Variants in COL5A1 observed in about 807,000 individuals in gnomAD.
COL5A1 encodes the protein collagen alpha-1(V) chain.
Under a neutral mutation model 263.7 loss-of-function variants are expected in COL5A1, and 16 were observed. The ratio of observed to expected loss-of-function variants is 0.06; its 90% confidence interval spans 0.04 to 0.09. COL5A1 has a LOEUF of 0.09. COL5A1 is among the 10% of genes least tolerant of loss of function. The probability of loss-of-function intolerance (pLI) is 1.00; values close to 1 mark genes in which losing one functional copy is unlikely to be tolerated. For missense variants in COL5A1, 2,036 were observed against 2,540.5 expected, an observed-to-expected ratio of 0.80 and a Z score of 4.27; for synonymous variants, 1,012 against 1,004.5, an observed-to-expected ratio of 1.01 and a Z score of -0.14.
intron 44 of COL5A1, 47 bp downstream of exon 44, chr9:134,810,355 G>C (rs770892219): frequency 6.3e-7 from 1 of 1,582,904 alleles, no homozygotes; most frequent in South Asian, 1.1e-5. Context: ...GTCCCGGGGG[G>C]CCTCGTCGCA....
In COL5A1 at chr9:134,771,061, C is replaced by T. The variant is rs531008585; in HGVS notation, c.2287-1729C>T. On this transcript the variant is annotated intron_variant, in intron 25 of 65. Coordinates refer to ENST00000371817, the MANE Select transcript of COL5A1 (RefSeq NM_000093.5). ...GGTGGGCGCAGTTCTGAGCCCCTTG[C>T]AAACGCTCTGTGCGTCTCCGCAGCG... Among the ~76,000 whole-genome samples the T allele has an allele frequency of 7.9e-5, 12 of 152,376 alleles. No homozygotes were observed. In the South Asian group the frequency reaches 2.5e-3, roughly 32 times the overall value.
intron 32 of COL5A1, 34 bp from the exon 33 acceptor site, chr9:134,795,048 G>T: frequency 1.2e-6 from 2 of 1,611,658 alleles, no homozygotes; most frequent in Non-Finnish European, 1.7e-6. Context: ...CGGGCATTTA[G>T]AGAGTGACTG....
At chr9:134,676,546 A>C (rs924498781) in intron 1 of COL5A1, among the ~76,000 whole-genome samples, 2 of 152,226 alleles carry the variant, frequency 1.3e-5, no homozygotes, top group African/African-American at 4.8e-5. Context: ...AAAGGGGGGC[A>C]TGGCAGGTCA....
At chr9:134,684,047 A>T (rs1014540034) in intron 1 of COL5A1, among the ~76,000 whole-genome samples, 2 of 152,214 alleles carry the variant, frequency 1.3e-5, no homozygotes, top group Non-Finnish European at 2.9e-5. Flanking sequence ...TCCCGAAAGC[A>T]GCGGACTTCT....
rs533217850 is a variant in COL5A1, at chr9:134,795,096, G to T, written c.2715G>T (p.Lys905Asn). The T allele has an allele frequency of 6.2e-7, 1 of 1,614,086 alleles. No individual in the cohort carries two copies. Among genetic ancestry groups the T allele is most frequent in the South Asian group, 1.1e-5 (1 of 91,080 alleles). The change falls in exon 33 of 66, where the codon AAG becomes AAT. Residue 905 changes from lysine to asparagine, a missense_variant. Around this residue, in one of 3 missense-constraint regions of COL5A1, gnomAD observed 1,078 missense variants for 1,521.4 expected, o/e 0.71. Transcript: ENST00000371817. The part of the protein sequence containing the change: ...GEKGGRGTPG[K>N]PGPRGQRGPT... ...TCTGATTCTAGGGGACCCCTGGAAA[G>T]CCAGGACCGCGGGGGCAGCGAGGCC... is the stretch of plus-strand genomic sequence containing the variant.
At chr9:134,665,623 C>T (rs7848499) in intron 1 of COL5A1, among the ~76,000 whole-genome samples, 4,727 of 152,158 alleles carry the variant, frequency 0.031, 150 homozygotes, top group African/African-American at 0.078. Context: ...GGGTTGAATG[C>T]GTTGTTGTTC....
chr9:134,731,468 A>G, intron 7 of COL5A1, 28 bp from the exon 8 acceptor site: 1 of 1,613,290 alleles, frequency 6.2e-7, no homozygotes, highest in Non-Finnish European at 8.5e-7. Context: ...TTTGCGAGGC[A>G]ACCCTGCGCC....
At chr9:134,782,528 C>A (rs748503729) in intron 28 of COL5A1, 139 bp from the exon 29 acceptor site, 2 of 822,310 alleles carry the variant, frequency 2.4e-6, no homozygotes, top group Admixed American at 3.4e-5. Flanking sequence ...GGGCCCCAAG[C>A]CCACCCCGTC....
rs1189111524 is a variant in COL5A1 at position 134,699,920 on chromosome 9, C to T, written c.289C>T (p.Pro97Ser). 8.1e-6 allele frequency: 13 copies of T among 1,613,878 alleles called. No individual in the cohort carries two copies. Among genetic ancestry groups the T allele is most frequent in the Non-Finnish European group, 1.1e-5 (13 of 1,180,036 alleles). ...TKQLYPASAFPEDFSILTTVK... is the reference protein window; with the variant it reads ...TKQLYPASAFSEDFSILTTVK... ...GTGCTCTGTTCCAGCGTCTGCATTT[C>T]CCGAGGACTTCTCCATCCTAACAAC... Residue 97 changes from proline to serine, a missense_variant, in exon 3 of 66, where the codon CCC becomes TCC. By Grantham distance (74) the Pro-to-Ser change is moderately conservative (BLOSUM62 -1). This residue lies in a region of COL5A1 where 600 missense variants were observed against 634.5 expected (regional missense o/e 0.95). Transcript: ENST00000371817.
At chr9:134,720,386 G>A (rs985693626) in intron 4 of COL5A1, among the ~76,000 whole-genome samples, 11 of 152,240 alleles carry the variant, frequency 7.2e-5, no homozygotes, top group African/African-American at 2.7e-4. Flanking sequence ...TCCACCAGGA[G>A]AGGAGGCTTC....
At chr9:134,823,661 T>C (rs768085311) in intron 61 of COL5A1, among the ~76,000 whole-genome samples, 192 bp downstream of exon 61, 4 of 152,222 alleles carry the variant, frequency 2.6e-5, no homozygotes, top group South Asian at 2.1e-4. Flanking sequence ...TACAGGCCAA[T>C]TGGCCCTGAG....
intron 26 of COL5A1, among the ~76,000 whole-genome samples, chr9:134,773,333 G>A (rs921937823): frequency 1.1e-4 from 16 of 151,830 alleles, no homozygotes; most frequent in Non-Finnish European, 1.9e-4. Flanking sequence ...CATGCAGCAC[G>A]TCCACCAGCG....
intron 1 of COL5A1, among the ~76,000 whole-genome samples, chr9:134,651,237 T>G (rs1831676666): frequency 6.6e-6 from 1 of 152,202 alleles, no homozygotes; most frequent in Non-Finnish European, 1.5e-5. Context: ...ATTTTTTAAA[T>G]AAATGCCATA....
intron 54 of COL5A1, 121 bp downstream of exon 54, chr9:134,817,952 G>A: frequency 9.8e-7 from 1 of 1,016,932 alleles, no homozygotes; most frequent in Admixed American, 2.0e-5. Context: ...GCTGCCCCAG[G>A]GGCACCTGGC....
intron 4 of COL5A1, among the ~76,000 whole-genome samples, chr9:134,715,531 AC>A (rs1834229699): frequency 6.6e-6 from 1 of 152,122 alleles, no homozygotes; most frequent in African/African-American, 2.4e-5. Flanking sequence ...CATATTTCAG[AC>A]TATCACACGG....
chr9:134,774,035 C>T (rs1050394832), intron 26 of COL5A1, among the ~76,000 whole-genome samples: 3 of 152,230 alleles, frequency 2.0e-5, no homozygotes, highest in Admixed American at 6.5e-5. Context: ...GCACAGTGCC[C>T]GGAACTGGTG....
chr9:134,766,903 T>A, intron 22 of COL5A1, 97 bp from the exon 23 acceptor site: 2 of 1,204,198 alleles, frequency 1.7e-6, no homozygotes, highest in Non-Finnish European at 2.4e-6. Flanking sequence ...GGGAGCAGTT[T>A]GAAAGGATGG....
intron 2 of COL5A1, among the ~76,000 whole-genome samples, chr9:134,695,870 TG>T (rs1226812003): frequency 1.3e-5 from 2 of 152,188 alleles, no homozygotes; most frequent in Non-Finnish European, 2.9e-5. Flanking sequence ...GCTTCCTCTC[TG>T]GAGCCCCTCA....
chr9:134,755,407 G>T lies in COL5A1; in HGVS notation c.1827+1081G>T, dbSNP rs556637393. Among the ~76,000 whole-genome samples the T allele has an allele frequency of 8.4e-4, 128 of 152,338 alleles. 2 individuals carry two copies. In the South Asian group the frequency reaches 0.025, roughly 30 times the overall value. ...GTCTAACATGGCCAGCTGCAGAGTTGCATGGTGTCGGGGCCATGCATATGC... is the reference window on the plus strand; with the variant it reads ...GTCTAACATGGCCAGCTGCAGAGTTTCATGGTGTCGGGGCCATGCATATGC... On this transcript the variant is annotated intron_variant, in intron 16 of 65. Transcript: ENST00000371817. The surrounding 1 kb of genome is among the most constrained non-coding windows in gnomAD (Gnocchi z 4.1).
Sources: allele counts gnomAD v4.1 joint callset (sites outside exome capture counted in the v4.1 genomes callset), GRCh38; gene constraint gnomAD v4.1.1; regional missense constraint gnomAD v4.1.1; non-coding constraint Gnocchi (gnomAD v3.1); transcripts MANE v1.5; gene names NCBI Gene and HGNC (gene_info 2026-07-23, HGNC 2026-07-21).